The following FOXK2 variants were observed in gnomAD, a reference collection of about 807,000 sequenced individuals.
FOXK2 encodes the protein forkhead box K2.
A neutral mutation model predicts 53.3 loss-of-function variants in FOXK2; 24 were observed. That is an observed-to-expected ratio of 0.45 (90% CI 0.33 to 0.63). The LOEUF is 0.63. Ranked by LOEUF, FOXK2 falls within the 30% of genes least tolerant of loss-of-function variation. The pLI, the probability that FOXK2 is intolerant of heterozygous loss-of-function variation, is 0.03. For synonymous variants in FOXK2, 505 were observed against 407.1 expected (o/e 1.24, Z -2.89); for missense variants, 952 against 910.5 (o/e 1.05, Z -0.59).
At chr17:82,581,235 G>A (rs1403291772) in intron 4 of FOXK2, among the ~76,000 whole-genome samples, 4 of 152,278 alleles carry the variant, frequency 2.6e-5, no homozygotes, top group East Asian at 1.9e-4. Flanking sequence ...AACCCATGAC[G>A]TTCGTCCGGC....
intron 1 of FOXK2, among the ~76,000 whole-genome samples, chr17:82,557,683 C>T (rs970546992): frequency 6.6e-6 from 1 of 152,012 alleles, no homozygotes; most frequent in Non-Finnish European, 1.5e-5. Context: ...GGATCTTGCT[C>T]TGTTGTCCAG....
chr17:82,574,222 C>A (rs1392532901), intron 4 of FOXK2, among the ~76,000 whole-genome samples: 2 of 152,210 alleles, frequency 1.3e-5, no homozygotes, highest in East Asian at 1.9e-4. Context: ...CCAGTAAGGC[C>A]ACTCCTGTGT....
intron 1 of FOXK2, among the ~76,000 whole-genome samples, chr17:82,551,304 G>A (rs564486387): frequency 7.0e-6 from 1 of 143,252 alleles, no homozygotes. Flanking sequence ...GCGATAGAGC[G>A]AGACTCCATC....
chr17:82,539,529 A>G (rs2044554149), intron 1 of FOXK2, among the ~76,000 whole-genome samples: 1 of 152,080 alleles, frequency 6.6e-6, no homozygotes, highest in East Asian at 1.9e-4. Context: ...CATGCCTGTG[A>G]TTCCAGCTAC....
rs150409126 is a variant in FOXK2, at chr17:82,584,167, C to G, written c.1258C>G (p.Arg420Gly). 70 of 1,606,512 alleles carry G rather than the reference C, an allele frequency of 4.4e-5. No individual in the cohort carries two copies. The highest frequency in any genetic ancestry group is 5.6e-5 in the Non-Finnish European group (66 of 1,177,930). ...QPKLAVIQEA[R>G]FAQSAPGSPL... The stretch of plus-strand genomic sequence containing the variant: ...CAAACTCGCTGTCATCCAGGAAGCC[C>G]GGTTTGCCCAGAGCGCCCCAGGTGA... The change falls in exon 6 of 9, where the codon CGG (arginine) becomes GGG (glycine). Residue 420 changes from arginine to glycine, a missense_variant. Arg to Gly is a moderately radical substitution (Grantham distance 125, BLOSUM62 -2). Transcript: ENST00000335255.
chr17:82,575,220 GGAACACCATCT>G, intron 4 of FOXK2, among the ~76,000 whole-genome samples: 1 of 152,172 alleles, frequency 6.6e-6, no homozygotes, highest in East Asian at 1.9e-4. Flanking sequence ...CTGGACCAGT[GGAACACCATCT>G]CGGTAGGAGA....
chr17:82,586,837 G>A (rs1006934386), intron 7 of FOXK2, among the ~76,000 whole-genome samples: 1 of 152,060 alleles, frequency 6.6e-6, no homozygotes, highest in Admixed American at 6.6e-5. Context: ...GAAGGTGGAG[G>A]TTGCAGTGAG....
chr17:82,544,154 C>G lies in FOXK2; in HGVS notation c.420-19200C>G, dbSNP rs187414516. Among the ~76,000 whole-genome samples, 130 of 152,258 alleles carry G rather than the reference C, an allele frequency of 8.5e-4. 1 individual carries two copies. The East Asian group carries it at 0.022, about 26-fold the overall frequency. On this transcript the variant is annotated intron_variant, in intron 1 of 8. Transcript: ENST00000335255. Reference sequence around the variant, plus strand: ...TCTTGAACTCCTGGGCTCAGTTGATCCTCCCACTTCGGCTTTCCAAAGTTC... The same window carrying G: ...TCTTGAACTCCTGGGCTCAGTTGATGCTCCCACTTCGGCTTTCCAAAGTTC...
rs543409593 is a variant in FOXK2, at chr17:82,563,211, G to A, written c.420-143G>A. The A allele has an allele frequency of 4.4e-4, 325 of 742,942 alleles. 2 individuals carry two copies. The highest frequency in any genetic ancestry group is 1.8e-3 in the Middle Eastern group (5 of 2,740). 46.0% of individuals were successfully genotyped at this position (742,942 alleles called of 1,614,324 possible). On this transcript the variant is annotated intron_variant, in intron 1 of 8. Coordinates refer to ENST00000335255, the MANE Select transcript of FOXK2 (RefSeq NM_004514.4). The stretch of plus-strand genomic sequence containing the variant: ...TTAGTTGTGGTTTTGTTTGTTTGGC[G>A]ACTTATAATAACACGGTGAGCTGAG...
intron 1 of FOXK2, among the ~76,000 whole-genome samples, chr17:82,559,840 G>A (rs1194497220): frequency 6.6e-6 from 1 of 152,010 alleles, no homozygotes; most frequent in Non-Finnish European, 1.5e-5. Flanking sequence ...AGGAAAAGAG[G>A]TAAAGTACAC....
At chr17:82,596,238 TC>T in intron 8 of FOXK2, 1 of 985,190 alleles carries the variant, frequency 1.0e-6, no homozygotes, top group Non-Finnish European at 1.2e-6. Context: ...TTCTTCTTTT[TC>T]TTTCACGTTA....
In FOXK2 at chr17:82,587,494, T is replaced by C. The variant is rs556014804; in HGVS notation, c.1786+222T>C. 3.5e-4 allele frequency: 203 copies of C among 572,322 alleles called. 1 individual carries two copies. The Middle Eastern group carries it at 3.8e-3, about 11-fold the overall frequency. 35.5% of individuals were successfully genotyped at this position (572,322 alleles called of 1,614,324 possible). A position where few individuals can be genotyped will look rare whatever the true frequency, so the allele number is the denominator to read the frequency against. On this transcript the variant is annotated intron_variant, in intron 8 of 8. Transcript: ENST00000335255. ...ACCTGCCTGAAAAGAGATGAGAGTT[T>C]CTAATACATTGAGAGGGAAAAATAC...
intron 7 of FOXK2, 100 bp downstream of exon 7, chr17:82,586,300 T>TGGGCCGGGGGGGAAAGGAGGAGA: frequency 5.6e-6 from 1 of 178,052 alleles, no homozygotes; most frequent in Non-Finnish European, 9.4e-6. Flanking sequence ...AGGTCAAAGG[T>TGGGCCGGGGGGGAAAGGAGGAGA]GGGCCGGGGG....
At chr17:82,540,579 C>CCAG (rs1475795325) in intron 1 of FOXK2, among the ~76,000 whole-genome samples, 1 of 152,130 alleles carries the variant, frequency 6.6e-6, no homozygotes, top group East Asian at 1.9e-4. Context: ...ACACTCCAGT[C>CCAG]CAGCACCCAC....
At chr17:82,571,515 C>T (rs1193581304) in intron 3 of FOXK2, among the ~76,000 whole-genome samples, 1 of 152,036 alleles carries the variant, frequency 6.6e-6, no homozygotes, top group Non-Finnish European at 1.5e-5. Flanking sequence ...GCAGGAGAAC[C>T]GCTTGAACTC....
At chr17:82,551,987 T>G (rs2044681558) in intron 1 of FOXK2, among the ~76,000 whole-genome samples, 1 of 152,120 alleles carries the variant, frequency 6.6e-6, no homozygotes, top group African/African-American at 2.4e-5. Flanking sequence ...GCACTCTGGG[T>G]GGTGGCAGCC....
chr17:82,569,073 A>G (rs2044884921), intron 3 of FOXK2, among the ~76,000 whole-genome samples: 1 of 152,220 alleles, frequency 6.6e-6, no homozygotes, highest in Non-Finnish European at 1.5e-5. Context: ...AATGGTGATT[A>G]GGATATTGTG....
At chr17:82,588,038 G>T (rs779929590) in intron 8 of FOXK2, among the ~76,000 whole-genome samples, 1 of 152,152 alleles carries the variant, frequency 6.6e-6, no homozygotes, top group Non-Finnish European at 1.5e-5. Flanking sequence ...TTATCACGAC[G>T]TTTGAATCCT....
chr17:82,557,235 T>C (rs1016679973), intron 1 of FOXK2, among the ~76,000 whole-genome samples: 6 of 150,630 alleles, frequency 4.0e-5, no homozygotes, highest in Non-Finnish European at 8.8e-5. Context: ...TTTCTCCATG[T>C]TGGTCAGGCT....
Sources: allele counts gnomAD v4.1 joint callset (sites outside exome capture counted in the v4.1 genomes callset), GRCh38; gene constraint gnomAD v4.1.1; transcripts MANE v1.5; gene names NCBI Gene and HGNC (gene_info 2026-07-23, HGNC 2026-07-21).